PCDH15: variants seen among roughly 807,000 people sequenced by gnomAD.
PCDH15 encodes protocadherin related 15.
PCDH15 carries 129 observed loss-of-function variants against 178.5 expected under a neutral mutation model. The observed-to-expected ratio is 0.72, with a 90% CI of 0.63 to 0.84. The LOEUF is 0.84. Ranked by LOEUF, PCDH15 falls within the 40% of genes least tolerant of loss-of-function variation. The pLI, the probability that PCDH15 is intolerant of heterozygous loss-of-function variation, is 0.00. For synonymous variants in PCDH15, 800 were observed against 732.0 expected, an observed-to-expected ratio of 1.09 and a Z score of -1.50; for missense variants, 2,230 against 2,099.9, an observed-to-expected ratio of 1.06 and a Z score of -1.21.
intron 2 of PCDH15, among the ~76,000 whole-genome samples, chr10:54,915,632 T>TA (rs1954889897): frequency 1.3e-5 from 2 of 152,294 alleles, no homozygotes; most frequent in African/African-American, 4.8e-5. Context: ...TGAAATAATA[T>TA]ACAGAACATG....
chr10:55,507,184 G>A (rs10763213), intron 2 of PCDH15, among the ~76,000 whole-genome samples: 49,263 of 151,274 alleles, frequency 0.33, 8,546 homozygotes, highest in East Asian at 0.52. Flanking sequence ...TGAAAAAAGC[G>A]CATGCAAAGC....
In PCDH15 at chr10:55,242,668, C is replaced by T. The variant is rs550028290; in HGVS notation, c.-155-76017G>A. ...ACCAGCTAGGGCAACGTGGCAAAAC[C>T]TTGTCTCTACAAAAAATACAAAAGA... On this transcript the variant is annotated intron_variant, in intron 1 of 5. Coordinates refer to the PCDH15 transcript ENST00000458638. Among the ~76,000 whole-genome samples the T allele has an allele frequency of 5.9e-5, 9 of 151,388 alleles. No homozygotes were observed. In the East Asian group the frequency reaches 1.8e-3, roughly 30 times the overall value.
intron 2 of PCDH15, among the ~76,000 whole-genome samples, chr10:54,555,750 A>AG (rs2087156504): frequency 6.7e-6 from 1 of 148,866 alleles, no homozygotes. Flanking sequence ...AAAAAAAAAA[A>AG]AAAAGAAAAG....
chr10:55,372,618 A>G (rs1845534237), intron 2 of PCDH15, among the ~76,000 whole-genome samples: 1 of 152,132 alleles, frequency 6.6e-6, no homozygotes, highest in Non-Finnish European at 1.5e-5. Context: ...TGCTTCATCC[A>G]AATTCCAAAT....
intron 3 of PCDH15, among the ~76,000 whole-genome samples, chr10:54,868,667 C>A (rs1953982051): frequency 6.6e-6 from 1 of 152,184 alleles, no homozygotes. Context: ...CCACTCTTCT[C>A]CAAACCTCTA....
At chr10:54,702,412 A>T (rs2095317892) in intron 1 of PCDH15, among the ~76,000 whole-genome samples, 1 of 151,924 alleles carries the variant, frequency 6.6e-6, no homozygotes, top group Non-Finnish European at 1.5e-5. Context: ...CATACAAAAG[A>T]TCAACAAATT....
chr10:54,982,967 A>AC (rs1341228230), intron 2 of PCDH15, among the ~76,000 whole-genome samples: 2 of 151,926 alleles, frequency 1.3e-5, no homozygotes, highest in Admixed American at 6.6e-5. Flanking sequence ...GAGTAATTTG[A>AC]CCCCCCAAAA....
chr10:54,607,859 A>T, intron 2 of PCDH15: 1 of 529,542 alleles, frequency 1.9e-6, no homozygotes, highest in Non-Finnish European at 3.9e-6. Context: ...TGTGAGCAAG[A>T]CACTGCTAAT....
intron 26 of PCDH15, among the ~76,000 whole-genome samples, chr10:53,884,178 A>G (rs906504715): frequency 2.0e-5 from 3 of 152,200 alleles, no homozygotes; most frequent in African/African-American, 7.2e-5. Flanking sequence ...AGGGGCTGAC[A>G]CTGACAACTA....
chr10:54,418,678 C>T (rs1186787332), intron 3 of PCDH15, among the ~76,000 whole-genome samples: 3 of 151,632 alleles, frequency 2.0e-5, no homozygotes, highest in African/African-American at 4.8e-5. Context: ...ATAGCTAATA[C>T]ATATATTATT....
At chr10:55,055,151 T>A (rs72801625) in intron 2 of PCDH15, among the ~76,000 whole-genome samples, 54,799 of 152,134 alleles carry the variant, frequency 0.36, 11,705 homozygotes, top group Non-Finnish European at 0.49. Context: ...GTTTGGGTTT[T>A]ACGTTTCAGT....
intron 3 of PCDH15, among the ~76,000 whole-genome samples, chr10:54,853,146 G>A (rs1008952712): frequency 2.0e-5 from 3 of 150,422 alleles, no homozygotes; most frequent in South Asian, 2.1e-4. Context: ...TGTAATCCCC[G>A]CTACTTGGGA....
intron 2 of PCDH15, among the ~76,000 whole-genome samples, chr10:54,900,855 C>G (rs1954626863): frequency 6.6e-6 from 1 of 152,112 alleles, no homozygotes; most frequent in Non-Finnish European, 1.5e-5. Context: ...CCAAAAAGCT[C>G]TCCCCTTTAT....
chr10:54,558,016 G>A (rs1346989311), intron 2 of PCDH15, among the ~76,000 whole-genome samples: 1 of 151,960 alleles, frequency 6.6e-6, no homozygotes, highest in Non-Finnish European at 1.5e-5. Context: ...AAATGATCAT[G>A]CAGCCAAAAC....
At chr10:55,503,725 C>A (rs1162705437) in intron 2 of PCDH15, among the ~76,000 whole-genome samples, 2 of 151,052 alleles carry the variant, frequency 1.3e-5, no homozygotes, top group African/African-American at 4.8e-5. Context: ...AACAAGAAAC[C>A]ACCACACACT....
At chr10:54,702,543 CA>C (rs375110960) in intron 1 of PCDH15, among the ~76,000 whole-genome samples, 47 of 125,642 alleles carry the variant, frequency 3.7e-4, no homozygotes, top group East Asian at 3.1e-3. Context: ...CACAGAAATA[CA>C]AAAAAAAAAA....
At chr10:55,018,614 T>C (rs1840245179) in intron 2 of PCDH15, among the ~76,000 whole-genome samples, 1 of 152,098 alleles carries the variant, frequency 6.6e-6, no homozygotes, top group Non-Finnish European at 1.5e-5. Context: ...AATAAATGTG[T>C]CTGAATGAGG....
intron 2 of PCDH15, among the ~76,000 whole-genome samples, chr10:54,897,817 A>G (rs886811764): frequency 2.0e-5 from 3 of 152,228 alleles, no homozygotes; most frequent in African/African-American, 7.2e-5. Flanking sequence ...CAATATGGAA[A>G]TAATGCATAA....
intron 1 of PCDH15, among the ~76,000 whole-genome samples, chr10:54,761,435 AC>A (rs1309251305): frequency 2.6e-5 from 4 of 152,056 alleles, no homozygotes; most frequent in South Asian, 2.1e-4. Flanking sequence ...TAATTCCAGA[AC>A]TTGCGGGGGC....
Sources: gnomAD v4.1 joint callset for allele counts (sites outside exome capture counted in the v4.1 genomes callset) on GRCh38, gnomAD v4.1.1 for gene constraint, MANE v1.5 for transcripts, NCBI Gene and HGNC (gene_info 2026-07-23, HGNC 2026-07-21) for gene names.